The following FBN1 variants were observed in gnomAD, a reference collection of about 807,000 sequenced individuals.
The protein encoded by FBN1 is fibrillin-1.
FBN1 carries 29 observed loss-of-function variants against 365.1 expected under a neutral mutation model. The ratio of observed to expected loss-of-function variants is 0.08; its 90% CI spans 0.06 to 0.11. FBN1 has a LOEUF of 0.11. Ranked by LOEUF, FBN1 falls within the 10% of genes least tolerant of loss-of-function variation. The pLI is 1.00. For synonymous variants in FBN1, 1,210 were observed against 1,270.5 expected, an observed-to-expected ratio of 0.95 and a Z score of 1.01; for missense variants, 2,476 against 3,703.2, an observed-to-expected ratio of 0.67 and a Z score of 8.60.
chr15:48,463,094 T>A lies in FBN1; in HGVS notation c.5212A>T (p.Ile1738Phe). Residue 1738 changes from isoleucine (I) to phenylalanine (F), a missense_variant, in exon 42 of 66, where the codon ATC becomes TTC. Transcript: ENST00000316623. ...AACTAAAACTCACCTGTACTTGGGATGGGACACTGTTCACAGGGCTTGTTC... is the reference window on the plus strand; with the variant it reads ...AACTAAAACTCACCTGTACTTGGGAAGGGACACTGTTCACAGGGCTTGTTC... ...AWNKPCEQCP[I>F]PSTDEFATLC... The A allele has an allele frequency of 6.2e-7, 1 of 1,614,046 alleles. No homozygotes were observed. Among genetic ancestry groups the A allele is most frequent in the African/African-American group, 1.3e-5 (1 of 75,046 alleles).
At chr15:48,643,528 T>C (rs1890236157) in intron 2 of FBN1, 1 of 152,186 alleles carries the variant, frequency 6.6e-6, no homozygotes, top group Non-Finnish European at 1.5e-5. Flanking sequence ...TATACATGAC[T>C]ATAACACCTC....
chr15:48,522,840 A>G (rs1407221693), intron 9 of FBN1, among the ~76,000 whole-genome samples: 1 of 152,256 alleles, frequency 6.6e-6, no homozygotes, highest in Non-Finnish European at 1.5e-5. Context: ...ACCACTAGCC[A>G]GTATAAATGT....
chr15:48,529,859 G>A (rs1394946163), intron 8 of FBN1: 16 of 153,392 alleles, frequency 1.0e-4, no homozygotes, highest in Admixed American at 3.9e-4. Context: ...TGCATCCGCC[G>A]CCCGATCACA....
chr15:48,465,936 C>A, intron 38 of FBN1, 78 bp from the exon 39 acceptor site: 1 of 931,034 alleles, frequency 1.1e-6, no homozygotes, highest in Non-Finnish European at 1.7e-6. Flanking sequence ...GAAATACTCA[C>A]ATATCCAACT....
In FBN1 at chr15:48,452,561, C is replaced by T. The variant is rs1260109901; in HGVS notation, c.5545+1G>A. 6.2e-7 allele frequency: 1 copy of T among 1,614,002 alleles called. No individual in the cohort carries two copies. Among genetic ancestry groups the T allele is most frequent in the Non-Finnish European group, 8.5e-7 (1 of 1,180,004 alleles). On this transcript the variant is annotated splice_donor_variant, in intron 45 of 65. Transcript: ENST00000316623. LOFTEE classifies it high-confidence loss of function. Reference sequence around the variant, plus strand: ...TGTCCAGCCTGTGGGGCACTACATACCATTGCACTGTCCTGTGGAGGTGAA... The same window carrying T: ...TGTCCAGCCTGTGGGGCACTACATATCATTGCACTGTCCTGTGGAGGTGAA...
In FBN1 at chr15:48,425,769, T is replaced by C. The variant is rs1425101750; in HGVS notation, c.7300A>G (p.Thr2434Ala). The C allele has an allele frequency of 6.2e-7, 1 of 1,613,340 alleles. No homozygotes were observed. The highest frequency in any genetic ancestry group is 8.5e-7 in the Non-Finnish European group (1 of 1,179,552). Residue 2434 changes from threonine to alanine, a missense_variant, in exon 59 of 66, where the codon ACT (threonine) becomes GCT (alanine). Thr to Ala is a moderately conservative substitution (Grantham distance 58). Around this residue, in one of 5 missense-constraint regions of FBN1, gnomAD observed 1,780 missense variants for 2,840.8 expected, o/e 0.63. Coordinates refer to ENST00000316623, the MANE Select transcript of FBN1 (RefSeq NM_000138.5). ...SYHCICKTGY[T>A]PDITGTSCVD... ...CAGGAAGTCCCAGTTATATCTGGAG[T>C]GTACCCAGTTTTACAAATGCAATGA... is the stretch of plus-strand genomic sequence containing the variant.
In FBN1 at chr15:48,470,809, A is replaced by C. The variant is rs888356191; in HGVS notation, c.4337-53T>G. ...AACTTAACTTATATTTTTCTAAAAA[A>C]AACCTGCCAAATATAATTAGGCAAC... is the stretch of plus-strand genomic sequence containing the variant. On this transcript the variant is annotated intron_variant, in intron 35 of 65. Coordinates refer to ENST00000316623, the MANE Select transcript of FBN1 (RefSeq NM_000138.5). 3.2e-6 allele frequency: 5 copies of C among 1,578,954 alleles called. No individual in the cohort carries two copies. The African/African-American group carries it at 6.8e-5, about 21-fold the overall frequency.
intron 6 of FBN1, among the ~76,000 whole-genome samples, chr15:48,561,428 T>C (rs563019509): frequency 2.0e-5 from 3 of 152,308 alleles, no homozygotes; most frequent in South Asian, 2.1e-4. Context: ...TCAAGAAGCA[T>C]AGAAAATATT....
chr15:48,470,158 A>C (rs1241597852), intron 36 of FBN1, among the ~76,000 whole-genome samples: 1 of 152,094 alleles, frequency 6.6e-6, no homozygotes, highest in Non-Finnish European at 1.5e-5. Flanking sequence ...CTCAACAAGA[A>C]AATGATTTAT....
chr15:48,529,166 T>C (rs1254662880), intron 8 of FBN1: 1 of 152,030 alleles, frequency 6.6e-6, no homozygotes, highest in South Asian at 2.1e-4. Context: ...TGCTGGGGAG[T>C]GGTGCTTGGC....
chr15:48,526,944 G>A (rs1188262435), intron 8 of FBN1, among the ~76,000 whole-genome samples: 5 of 152,144 alleles, frequency 3.3e-5, no homozygotes, highest in East Asian at 1.9e-4. Flanking sequence ...GAGCCACCTC[G>A]CCCGAGGTCA....
intron 44 of FBN1, among the ~76,000 whole-genome samples, chr15:48,453,753 T>A (rs1597538905): frequency 6.6e-6 from 1 of 151,744 alleles, no homozygotes; most frequent in Admixed American, 6.6e-5. Context: ...TGTGTAGGGG[T>A]AGGGAATATA....
chr15:48,411,100 G>C lies in FBN1; in HGVS notation c.8506C>G (p.Leu2836Val). 1 of 1,614,092 alleles carries C rather than the reference G, an allele frequency of 6.2e-7. No homozygotes were observed. The highest frequency in any genetic ancestry group is 8.5e-7 in the Non-Finnish European group (1 of 1,179,986). Residue 2836 changes from leucine (L) to valine (V), a missense_variant, in exon 66 of 66, where the codon CTT becomes GTT. Coordinates refer to ENST00000316623, the MANE Select transcript of FBN1 (RefSeq NM_000138.5). ...TGGTTAAGTTCTTTCTTTTTATAAA[G>C]TGGAGTACTACTGATTTGTAATGAA... The part of the protein sequence containing the change: ...TYSLQISSTP[L>V]YKKKELNQLE...
rs566293486 is a variant in FBN1, at chr15:48,495,194, G to T, written c.2606C>A (p.Ala869Asp). 1.2e-6 allele frequency: 2 copies of T among 1,614,128 alleles called. No homozygotes were observed. Among genetic ancestry groups the T allele is most frequent in the African/African-American group, 2.7e-5 (2 of 75,036 alleles). ...DGRCEINING[A>D]TLKSQCCSSL... is the part of the protein sequence containing the mutation. ...GGAGCAGCACTGGGACTTTAAGGTG[G>T]CTCCATTGATGTTGATCTCACATCG... is the stretch of plus-strand genomic sequence containing the variant. The change falls in exon 22 of 66, where the codon GCC becomes GAC. Residue 869 changes from alanine to aspartate, a missense_variant. Transcript: ENST00000316623.
chr15:48,492,708 C>A (rs2043571915), intron 23 of FBN1, 122 bp from the exon 24 acceptor site: 3 of 811,688 alleles, frequency 3.7e-6, no homozygotes, highest in Non-Finnish European at 5.9e-6. Context: ...ACTAGTTTGC[C>A]TACAAGTAGT....
At chr15:48,564,351 T>C (rs2044244654) in intron 6 of FBN1, among the ~76,000 whole-genome samples, 1 of 152,130 alleles carries the variant, frequency 6.6e-6, no homozygotes, top group Non-Finnish European at 1.5e-5. Flanking sequence ...CTTATTAGAA[T>C]CAACTGCTGG....
At chr15:48,464,163 T>A in intron 40 of FBN1, 142 bp from the exon 41 acceptor site, 1 of 777,694 alleles carries the variant, frequency 1.3e-6, no homozygotes, top group Non-Finnish European at 2.2e-6. Context: ...ATTTCATTCA[T>A]CCGTGTCCTC....
At chr15:48,563,079 CA>C (rs2044236302) in intron 6 of FBN1, among the ~76,000 whole-genome samples, 1 of 152,078 alleles carries the variant, frequency 6.6e-6, no homozygotes, top group Non-Finnish European at 1.5e-5. Context: ...GATGAACAAT[CA>C]AATGAACCAA....
intron 42 of FBN1, among the ~76,000 whole-genome samples, chr15:48,462,515 T>A (rs903733384): frequency 6.6e-6 from 1 of 152,210 alleles, no homozygotes; most frequent in African/African-American, 2.4e-5. Context: ...TCCCTTTTCA[T>A]AGGAGCTGCT....
Sources: gnomAD v4.1 joint callset for allele counts (sites outside exome capture counted in the v4.1 genomes callset) on GRCh38, gnomAD v4.1.1 for gene constraint, gnomAD v4.1.1 regional missense constraint, MANE v1.5 for transcripts, NCBI Gene and HGNC (gene_info 2026-07-23, HGNC 2026-07-21) for gene names.